The following PRIMA1 variants were observed in gnomAD, a reference collection of about 807,000 sequenced individuals.
PRIMA1 encodes the protein proline-rich membrane anchor 1.
PRIMA1 carries 7 observed loss-of-function variants against 17.5 expected under a neutral mutation model. The observed-to-expected ratio is 0.40, with a 90% confidence interval of 0.23 to 0.75. The LOEUF (loss-of-function observed/expected upper bound fraction) is 0.75. Among genes scored for constraint, PRIMA1 ranks in the 30% least tolerant of loss-of-function variants. PRIMA1 has a pLI of 0.37. For synonymous variants in PRIMA1, 97 were observed against 77.9 expected, an observed-to-expected ratio of 1.25 and a Z score of -1.29; for missense variants, 200 against 201.8, an observed-to-expected ratio of 0.99 and a Z score of 0.05.
chr14:93,783,937 C>T (rs1257621038), intron 2 of PRIMA1, among the ~76,000 whole-genome samples: 4 of 152,258 alleles, frequency 2.6e-5, no homozygotes, highest in Admixed American at 6.5e-5. Context: ...CACCGTCCTA[C>T]TCCTGGCCAA....
chr14:93,738,275 G>C (rs2076164037), intron 3 of PRIMA1, among the ~76,000 whole-genome samples: 1 of 152,264 alleles, frequency 6.6e-6, no homozygotes, highest in East Asian at 1.9e-4. Context: ...TGTCAGTGAG[G>C]CCGGTTCGCT....
chr14:93,758,528 G>A (rs1023647431), intron 3 of PRIMA1, among the ~76,000 whole-genome samples: 3 of 150,050 alleles, frequency 2.0e-5, no homozygotes, highest in African/African-American at 7.4e-5. Context: ...GAACCTGGGA[G>A]GTGGAGGTTG....
intron 3 of PRIMA1, among the ~76,000 whole-genome samples, chr14:93,767,877 A>C (rs1337234720): frequency 6.6e-6 from 1 of 152,166 alleles, no homozygotes. Flanking sequence ...GTTCATATGA[A>C]ATGTCCAGAA....
At chr14:93,744,390 C>T (rs2076203417) in intron 3 of PRIMA1, among the ~76,000 whole-genome samples, 1 of 152,244 alleles carries the variant, frequency 6.6e-6, no homozygotes, top group African/African-American at 2.4e-5. Context: ...TTCCTGGGCA[C>T]AGGGTGCCCT....
At chr14:93,732,825 C>G (rs561260015) in intron 4 of PRIMA1, among the ~76,000 whole-genome samples, 2 of 152,114 alleles carry the variant, frequency 1.3e-5, no homozygotes, top group Non-Finnish European at 1.5e-5. Flanking sequence ...CAGCTGAGCC[C>G]GGCGGGGCTG....
chr14:93,771,048 G>A lies in PRIMA1; in HGVS notation c.229+8128C>T, dbSNP rs141867219. On this transcript the variant is annotated intron_variant, in intron 3 of 4. Coordinates refer to ENST00000393140, the MANE Select transcript of PRIMA1 (RefSeq NM_178013.4). ...CAAAAGAAAATGAAAAATTCAAAGT[G>A]AGTGCATGTATGTGTGTGTGTGCAT... Among the ~76,000 whole-genome samples the A allele has an allele frequency of 2.8e-3, 168 of 60,822 alleles. 1 individual carries two copies. Among genetic ancestry groups the A allele is most frequent in the Admixed American group, 2.9e-3 (14 of 4,868 alleles). 39.9% of individuals were successfully genotyped at this position (60,822 alleles called of 152,430 possible).
intron 4 of PRIMA1, among the ~76,000 whole-genome samples, chr14:93,732,610 G>A (rs958312061): frequency 2.6e-5 from 4 of 152,246 alleles, no homozygotes; most frequent in Non-Finnish European, 5.9e-5. Context: ...GTAGCCCAGT[G>A]CCTGGCACCT....
chr14:93,786,934 T>G (rs1050875017), intron 2 of PRIMA1, among the ~76,000 whole-genome samples: 1 of 152,178 alleles, frequency 6.6e-6, no homozygotes, highest in Non-Finnish European at 1.5e-5. Context: ...TCCCAGCTGG[T>G]GAGGGACAGA....
chr14:93,768,608 A>G (rs2141185323), intron 3 of PRIMA1, among the ~76,000 whole-genome samples: 2 of 152,342 alleles, frequency 1.3e-5, no homozygotes, highest in East Asian at 3.9e-4. Flanking sequence ...TTGTAGTTCC[A>G]GAACTTGCCA....
intron 3 of PRIMA1, among the ~76,000 whole-genome samples, chr14:93,751,705 G>A (rs964844381): frequency 5.9e-5 from 9 of 152,176 alleles, no homozygotes; most frequent in African/African-American, 1.9e-4. Context: ...ACCAAAAAGG[G>A]ATGATGACAC....
chr14:93,743,995 C>T (rs928752208), intron 3 of PRIMA1, among the ~76,000 whole-genome samples: 14 of 152,252 alleles, frequency 9.2e-5, no homozygotes, highest in African/African-American at 3.4e-4. Flanking sequence ...TTTTGTCTGT[C>T]TCACAAGGAC....
At chr14:93,743,036 G>C (rs2076193923) in intron 3 of PRIMA1, among the ~76,000 whole-genome samples, 1 of 152,240 alleles carries the variant, frequency 6.6e-6, no homozygotes, top group Non-Finnish European at 1.5e-5. Flanking sequence ...TAGCGAGTAG[G>C]TTGGAAACAA....
chr14:93,777,100 G>A (rs898727386), intron 3 of PRIMA1, among the ~76,000 whole-genome samples: 14 of 152,196 alleles, frequency 9.2e-5, no homozygotes, highest in African/African-American at 2.9e-4. Context: ...ACTTGGATAT[G>A]CGTGAATGTA....
At chr14:93,778,512 T>C (rs1370870844) in intron 3 of PRIMA1, among the ~76,000 whole-genome samples, 3 of 152,200 alleles carry the variant, frequency 2.0e-5, no homozygotes, top group Non-Finnish European at 4.4e-5. Context: ...GGGCATCCTA[T>C]AGGTGGGAAC....
chr14:93,785,213 A>T (rs540339604), intron 2 of PRIMA1, among the ~76,000 whole-genome samples: 1 of 148,062 alleles, frequency 6.8e-6, no homozygotes, highest in East Asian at 2.0e-4. Context: ...AAAAAGAATC[A>T]TCTGGAAGTG....
intron 3 of PRIMA1, among the ~76,000 whole-genome samples, chr14:93,761,854 T>C (rs1884736904): frequency 6.6e-6 from 1 of 152,222 alleles, no homozygotes; most frequent in Non-Finnish European, 1.5e-5. Context: ...TTCTTAACTA[T>C]GAAAATTAGA....
intron 3 of PRIMA1, among the ~76,000 whole-genome samples, chr14:93,745,489 G>A (rs1405556987): frequency 6.6e-6 from 1 of 152,196 alleles, no homozygotes; most frequent in African/African-American, 2.4e-5. Context: ...CAGGCCCCCA[G>A]CCCCAGCCTG....
intron 3 of PRIMA1, among the ~76,000 whole-genome samples, chr14:93,751,177 C>T (rs905359239): frequency 6.6e-6 from 1 of 152,206 alleles, no homozygotes; most frequent in Admixed American, 6.5e-5. Flanking sequence ...AGCCCTTCTT[C>T]AGGGTCTGCA....
At chr14:93,738,635 T>A (rs1044088657) in intron 3 of PRIMA1, among the ~76,000 whole-genome samples, 2 of 152,160 alleles carry the variant, frequency 1.3e-5, no homozygotes, top group Non-Finnish European at 2.9e-5. Context: ...TCCCAAAGGG[T>A]AATATGGATG....
Sources: allele counts gnomAD v4.1 joint callset (sites outside exome capture counted in the v4.1 genomes callset), GRCh38; gene constraint gnomAD v4.1.1; transcripts MANE v1.5; gene names NCBI Gene and HGNC (gene_info 2026-07-23, HGNC 2026-07-21).